Variants in LPP observed in about 807,000 individuals in gnomAD.
LPP encodes lipoma-preferred partner.
In LPP, 38 loss-of-function variants were observed where a neutral mutation model predicts 60.4. The observed-to-expected ratio is 0.63, with a 90% CI of 0.49 to 0.83. The LOEUF is 0.83. Among genes scored for constraint, LPP ranks in the 40% least tolerant of loss-of-function variants. The probability of loss-of-function intolerance (pLI) is 0.00; values close to 1 mark genes in which losing one functional copy is unlikely to be tolerated. For synonymous variants in LPP, 328 were observed against 290.8 expected, an observed-to-expected ratio of 1.13 and a Z score of -1.30; for missense variants, 902 against 783.6, an observed-to-expected ratio of 1.15 and a Z score of -1.80.
intron 2 of LPP, among the ~76,000 whole-genome samples, chr3:188,285,686 G>A (rs980467582): frequency 3.3e-5 from 5 of 152,198 alleles, no homozygotes; most frequent in African/African-American, 1.2e-4. Context: ...ACAGGCATGA[G>A]CCACTGTTTC....
intron 3 of LPP, among the ~76,000 whole-genome samples, chr3:188,370,720 C>T (rs764167208): frequency 6.6e-6 from 1 of 151,940 alleles, no homozygotes; most frequent in Non-Finnish European, 1.5e-5. Context: ...TCTCGTTGCC[C>T]GACATGGGGC....
intron 5 of LPP, among the ~76,000 whole-genome samples, chr3:188,505,287 T>A (rs1813134599): frequency 6.6e-6 from 1 of 152,182 alleles, no homozygotes; most frequent in African/African-American, 2.4e-5. Flanking sequence ...TAAGCAGAAC[T>A]AACTTCCTTA....
At chr3:188,705,123 A>C (rs1379567697) in intron 7 of LPP, among the ~76,000 whole-genome samples, 1 of 152,250 alleles carries the variant, frequency 6.6e-6, no homozygotes, top group East Asian at 1.9e-4. Flanking sequence ...CATGGATTAC[A>C]AAAGTAGAAC....
intron 9 of LPP, among the ~76,000 whole-genome samples, chr3:188,795,226 C>T (rs1346453107): frequency 2.0e-5 from 3 of 152,130 alleles, no homozygotes; most frequent in Non-Finnish European, 2.9e-5. Context: ...GGAAAGATAA[C>T]GTTAAAAAAT....
intron 4 of LPP, among the ~76,000 whole-genome samples, chr3:188,483,474 A>T (rs1334449900): frequency 6.6e-6 from 1 of 152,228 alleles, no homozygotes; most frequent in Non-Finnish European, 1.5e-5. Flanking sequence ...AATAGAAAAG[A>T]TCTCTTCTCC....
intron 9 of LPP, among the ~76,000 whole-genome samples, chr3:188,849,668 T>C (rs1436740761): frequency 1.4e-5 from 2 of 140,816 alleles, no homozygotes; most frequent in South Asian, 2.5e-4. Context: ...TTTGGGTCCA[T>C]ATGAATAAAA....
chr3:188,868,160 A>G (rs1203457132), intron 10 of LPP, among the ~76,000 whole-genome samples: 1 of 152,200 alleles, frequency 6.6e-6, no homozygotes, highest in Non-Finnish European at 1.5e-5. Context: ...AAAGATCTCA[A>G]TGGGGAGTAT....
At chr3:188,774,908 A>G (rs1178397263) in intron 9 of LPP, among the ~76,000 whole-genome samples, 1 of 152,204 alleles carries the variant, frequency 6.6e-6, no homozygotes, top group Non-Finnish European at 1.5e-5. Context: ...GCTTCAACAT[A>G]TAAATTTATA....
Position 188,875,473 on chromosome 3 carries a change from T to C in LPP, c.*994T>C, listed in dbSNP as rs1473213256. ...TGAAAAAACCGTTCAAATTCTCTTC[T>C]TTTTCTTTTTTATTACCAGGTCCAT... On this transcript the variant is annotated 3_prime_UTR_variant, in exon 12 of 12. Transcript: ENST00000617246. The C allele has an allele frequency of 4.6e-6, 1 of 215,072 alleles. No individual in the cohort carries two copies. Among genetic ancestry groups the C allele is most frequent in the African/African-American group, 2.3e-5 (1 of 44,336 alleles). 13.3% of individuals were successfully genotyped at this position (215,072 alleles called of 1,614,324 possible).
At position 188,535,321 on chromosome 3, in the gene LPP, G is replaced by C. The variant is rs1579729442; in HGVS notation, c.429+10534G>C. Among the ~76,000 whole-genome samples the C allele has an allele frequency of 2.0e-5, 3 of 152,286 alleles. No individual in the cohort carries two copies. The South Asian group carries it at 6.2e-4, about 32-fold the overall frequency. On this transcript the variant is annotated intron_variant, in intron 6 of 11. Coordinates refer to ENST00000617246, the MANE Select transcript of LPP (RefSeq NM_001375462.1). The stretch of plus-strand genomic sequence containing the variant: ...TATACCTTACAGGAACAGTAGATAG[G>C]TATAAAATGACTTCGGTTTGCATAA...
intron 9 of LPP, among the ~76,000 whole-genome samples, chr3:188,862,623 A>G (rs1765439816): frequency 1.3e-5 from 2 of 151,694 alleles, no homozygotes; most frequent in Admixed American, 6.6e-5. Flanking sequence ...TCCAGTCACA[A>G]AGCACGCTAC....
chr3:188,691,849 C>A (rs1004046283), intron 7 of LPP, among the ~76,000 whole-genome samples: 1 of 152,200 alleles, frequency 6.6e-6, no homozygotes, highest in African/African-American at 2.4e-5. Flanking sequence ...TAAGTTCTTT[C>A]AGTCTGGCTT....
intron 5 of LPP, among the ~76,000 whole-genome samples, chr3:188,522,639 G>C (rs1224792035): frequency 2.0e-5 from 3 of 151,696 alleles, no homozygotes; most frequent in Admixed American, 6.6e-5. Flanking sequence ...AAAATAAACA[G>C]AAAAATACAC....
chr3:188,309,844 C>T (rs145541558), intron 2 of LPP, among the ~76,000 whole-genome samples: 4 of 151,978 alleles, frequency 2.6e-5, no homozygotes, highest in Admixed American at 2.6e-4. Context: ...ACTTGGCTAT[C>T]GCAAAAACCA....
chr3:188,614,239 T>G (rs1055273584), intron 7 of LPP, among the ~76,000 whole-genome samples: 21 of 152,238 alleles, frequency 1.4e-4, no homozygotes, highest in African/African-American at 4.1e-4. Flanking sequence ...CTGTTTTAAT[T>G]TTTGAAAAGA....
At position 188,756,689 on chromosome 3, in the gene LPP, A is replaced by G. The variant is rs148251196; in HGVS notation, c.1241-3424A>G. 1.4e-3 allele frequency among the ~76,000 whole-genome samples: 214 copies of G among 152,200 alleles called. 1 individual carries two copies. The highest frequency in any genetic ancestry group is 4.8e-3 in the African/African-American group (198 of 41,520). Reference sequence around the variant, plus strand: ...CCTACTGATGTGTGGGGCTATTTTTATGTTTTGTTCTTCACTTTTTTCTGT... The same window carrying G: ...CCTACTGATGTGTGGGGCTATTTTTGTGTTTTGTTCTTCACTTTTTTCTGT... On this transcript the variant is annotated intron_variant, in intron 8 of 11. Transcript: ENST00000617246.
At chr3:188,681,099 T>C (rs1229065626) in intron 7 of LPP, among the ~76,000 whole-genome samples, 3 of 150,542 alleles carry the variant, frequency 2.0e-5, no homozygotes, top group East Asian at 2.0e-4. Flanking sequence ...TGGGTTCAAG[T>C]GATTCTCCTG....
chr3:188,439,587 C>G (rs1355687898), intron 4 of LPP, among the ~76,000 whole-genome samples: 2 of 152,140 alleles, frequency 1.3e-5, no homozygotes, highest in Non-Finnish European at 2.9e-5. Flanking sequence ...TTCATGAAGT[C>G]CAGTGGAGTC....
At chr3:188,407,795 T>TTTTTTG (rs1783993891) in intron 4 of LPP, among the ~76,000 whole-genome samples, 1 of 137,460 alleles carries the variant, frequency 7.3e-6, no homozygotes, top group Non-Finnish European at 1.6e-5. Flanking sequence ...TTTGTTTTTT[T>TTTTTTG]TTTTTTTTTT....
Sources: allele counts gnomAD v4.1 joint callset (sites outside exome capture counted in the v4.1 genomes callset), GRCh38; gene constraint gnomAD v4.1.1; transcripts MANE v1.5; gene names NCBI Gene and HGNC (gene_info 2026-07-23, HGNC 2026-07-21).